WDR27: variants seen among roughly 807,000 people sequenced by gnomAD.
The protein encoded by WDR27 is WD repeat domain 27, also known as WD repeat-containing protein 27.
A neutral mutation model predicts 114.4 loss-of-function variants in WDR27; 100 were observed. The ratio of observed to expected loss-of-function variants is 0.87; its 90% CI spans 0.74 to 1.03. The LOEUF (loss-of-function observed/expected upper bound fraction) is 1.03. Among genes scored for constraint, WDR27 ranks in the 50% least tolerant of loss-of-function variants. The probability of loss-of-function intolerance (pLI) is 0.00; values close to 1 mark genes in which losing one functional copy is unlikely to be tolerated. For missense variants in WDR27, 1,129 were observed against 1,092.9 expected, an observed-to-expected ratio of 1.03 and a Z score of -0.47; for synonymous variants, 449 against 423.1, an observed-to-expected ratio of 1.06 and a Z score of -0.75.
chr6:169,514,329 AT>A (rs1319387886), intron 25 of WDR27, among the ~76,000 whole-genome samples: 1 of 151,048 alleles, frequency 6.6e-6, no homozygotes, highest in Non-Finnish European at 1.5e-5. Flanking sequence ...GACAAAATAT[AT>A]TTTTTAGATT....
intron 25 of WDR27, among the ~76,000 whole-genome samples, chr6:169,506,644 T>G (rs762588265): frequency 8.9e-4 from 136 of 152,324 alleles, no homozygotes; most frequent in Non-Finnish European, 1.4e-3. Context: ...CATTACAGAT[T>G]AGCTGTACAC....
At chr6:169,503,175 C>G (rs1791564178) in intron 25 of WDR27, among the ~76,000 whole-genome samples, 1 of 152,138 alleles carries the variant, frequency 6.6e-6, no homozygotes. Context: ...TCAGGAGGCC[C>G]AGCTGAGAAT....
chr6:169,622,315 T>G (rs961016525), intron 21 of WDR27, among the ~76,000 whole-genome samples: 25 of 152,280 alleles, frequency 1.6e-4, no homozygotes, highest in African/African-American at 5.5e-4. Flanking sequence ...TGAGGCTGTG[T>G]CACGGCACCC....
At chr6:169,448,183 C>T in the WDR27 span, among the ~76,000 whole-genome samples, 1,425 of 152,216 alleles carry the variant, frequency 9.4e-3, 8 homozygotes, top group Non-Finnish European at 0.016. Context: ...AGATTACAGG[C>T]GTGAGCCACC....
chr6:169,517,040 T>C (rs1793762490), intron 25 of WDR27, among the ~76,000 whole-genome samples: 1 of 152,120 alleles, frequency 6.6e-6, no homozygotes, highest in South Asian at 2.1e-4. Context: ...TGTTGAAATG[T>C]AATCTCCAAT....
At chr6:169,654,696 T>TGAGGAGGAGGCGCGCACAG (rs1270268621) in intron 13 of WDR27, among the ~76,000 whole-genome samples, 118 of 144,498 alleles carry the variant, frequency 8.2e-4, no homozygotes, top group Non-Finnish European at 1.4e-3. Context: ...CCAGGCGAGC[T>TGAGGAGGAGGCGCGCACAG]GAGGAGGAGG....
chr6:169,442,691 G>A, the WDR27 span, among the ~76,000 whole-genome samples: 2 of 152,124 alleles, frequency 1.3e-5, no homozygotes, highest in Middle Eastern at 3.2e-3. Context: ...CCCAGGAGTG[G>A]GCACATAACC....
At chr6:169,452,570 AGAGAGGAGCCGTGCGTG>A (rs2115228492), downstream of WDR27, among the ~76,000 whole-genome samples, 1 of 74,944 alleles carries the variant, frequency 1.3e-5, no homozygotes, top group South Asian at 4.6e-4. Flanking sequence ...GCGTGGGGTC[AGAGAGGAGCCGTGCGTG>A]GGGTCAGAGA....
chr6:169,653,047 C>T (rs536140309), intron 13 of WDR27, among the ~76,000 whole-genome samples: 39 of 152,374 alleles, frequency 2.6e-4, no homozygotes, highest in Non-Finnish European at 2.9e-5. Context: ...ACAGATCTCA[C>T]TTCCCAAATG....
At chr6:169,701,023 T>A (rs1254076186) in intron 1 of WDR27, among the ~76,000 whole-genome samples, 1 of 152,190 alleles carries the variant, frequency 6.6e-6, no homozygotes, top group East Asian at 1.9e-4. Context: ...TTGCTAAAGA[T>A]ACCATAGTCT....
At chr6:169,601,781 C>A (rs540213448) in intron 23 of WDR27, among the ~76,000 whole-genome samples, 1 of 152,192 alleles carries the variant, frequency 6.6e-6, no homozygotes, top group Admixed American at 6.5e-5. Context: ...CACCATGAGG[C>A]GCATGCGCAT....
chr6:169,574,959 G>A (rs1802010470), intron 24 of WDR27, among the ~76,000 whole-genome samples: 2 of 152,208 alleles, frequency 1.3e-5, no homozygotes, highest in Admixed American at 1.3e-4. Flanking sequence ...GAAAGGCAGA[G>A]GAGGGGACTT....
intron 2 of WDR27, among the ~76,000 whole-genome samples, chr6:169,675,200 T>C (rs1267811160): frequency 3.9e-5 from 6 of 152,104 alleles, no homozygotes; most frequent in Non-Finnish European, 7.4e-5. Flanking sequence ...GGGAGGTGTA[T>C]GGGTCATGGG....
chr6:169,700,983 A>G (rs1787807773), intron 1 of WDR27, among the ~76,000 whole-genome samples: 1 of 152,214 alleles, frequency 6.6e-6, no homozygotes, highest in South Asian at 2.1e-4. Flanking sequence ...ACACTAGGTA[A>G]GCACTTCAGG....
chr6:169,648,516 C>T (rs1017330629), intron 15 of WDR27, among the ~76,000 whole-genome samples: 4 of 152,196 alleles, frequency 2.6e-5, no homozygotes, highest in South Asian at 4.1e-4. Flanking sequence ...CAAGCACGTG[C>T]GTAATATCAG....
chr6:169,545,879 T>C (rs55987674), intron 25 of WDR27, among the ~76,000 whole-genome samples: 8,808 of 151,782 alleles, frequency 0.058, 724 homozygotes, highest in African/African-American at 0.19. Flanking sequence ...ACATATAACG[T>C]GACTCTCAAA....
At chr6:169,444,097 T>A in the WDR27 span, among the ~76,000 whole-genome samples, 1 of 152,238 alleles carries the variant, frequency 6.6e-6, no homozygotes, top group African/African-American at 2.4e-5. Flanking sequence ...CCCAGTCACG[T>A]GTCCAGATGG....
chr6:169,668,681 G>A (rs1010459924), intron 4 of WDR27: 6 of 154,452 alleles, frequency 3.9e-5, no homozygotes, highest in African/African-American at 1.4e-4. Flanking sequence ...GAGAGCATCG[G>A]GGGTTCCTAA....
intron 25 of WDR27, among the ~76,000 whole-genome samples, chr6:169,500,345 C>T (rs562552499): frequency 7.2e-5 from 11 of 152,146 alleles, no homozygotes; most frequent in Non-Finnish European, 1.5e-4. Context: ...GCCAGGGCAG[C>T]CCCTGGCCTC....
Sources: gnomAD v4.1 joint callset for allele counts (sites outside exome capture counted in the v4.1 genomes callset) on GRCh38, gnomAD v4.1.1 for gene constraint, MANE v1.5 for transcripts, NCBI Gene and HGNC (gene_info 2026-07-23, HGNC 2026-07-21) for gene names.